ZNF35: variants seen among roughly 807,000 people sequenced by gnomAD.
The protein encoded by ZNF35 is zinc finger protein 35.
Under a neutral mutation model 45.9 loss-of-function variants are expected in ZNF35, and 31 were observed. The observed-to-expected ratio is 0.68, with a 90% CI of 0.51 to 0.91. ZNF35 has a LOEUF of 0.91. Ranked by LOEUF, ZNF35 falls within the 40% of genes least tolerant of loss-of-function variation. The pLI, the probability that ZNF35 is intolerant of heterozygous loss-of-function variation, is 0.00. For synonymous variants in ZNF35, 205 were observed against 220.2 expected, an observed-to-expected ratio of 0.93 and a Z score of 0.61; for missense variants, 515 against 625.4, an observed-to-expected ratio of 0.82 and a Z score of 1.88.
chr3:44,658,685 C>T lies in ZNF35; in HGVS notation c.338-16C>T, dbSNP rs750541012. 1 of 1,540,364 alleles carries T rather than the reference C, an allele frequency of 6.5e-7. No homozygotes were observed. The highest frequency in any genetic ancestry group is 1.4e-5 in the African/African-American group (1 of 72,026). On this transcript the variant is annotated splice_polypyrimidine_tract_variant and intron_variant, in intron 3 of 3. Coordinates refer to ENST00000396056, the MANE Select transcript of ZNF35 (RefSeq NM_003420.4). Reference sequence around the variant, plus strand: ...CAGAGAAAGCTAACATTTGTATTTTCTGTTTCTTGGTTCAGGTGCTGAAAC... The same window carrying T: ...CAGAGAAAGCTAACATTTGTATTTTTTGTTTCTTGGTTCAGGTGCTGAAAC...
At chr3:44,649,490 G>C (rs1703136399) in intron 1 of ZNF35, among the ~76,000 whole-genome samples, 1 of 152,122 alleles carries the variant, frequency 6.6e-6, no homozygotes, top group Non-Finnish European at 1.5e-5. Flanking sequence ...AAGGGGGTTA[G>C]AAAGAAAAAT....
At position 44,659,179 on chromosome 3, in the gene ZNF35, C is replaced by T; in HGVS notation, c.816C>T (p.His272=). The T allele has an allele frequency of 6.2e-7, 1 of 1,614,174 alleles. No individual in the cohort carries two copies. Among genetic ancestry groups the T allele is most frequent in the Non-Finnish European group, 8.5e-7 (1 of 1,180,036 alleles). The part of the protein sequence containing the change: ...SANLVVHQRI[H]TGQKPYVCSK... ...ACCTCGTTGTGCATCAGAGAATCCACACTGGACAGAAACCTTATGTTTGCT... is the reference window on the plus strand; with the variant it reads ...ACCTCGTTGTGCATCAGAGAATCCATACTGGACAGAAACCTTATGTTTGCT... The change falls in exon 4 of 4, where the codon CAC becomes CAT. Residue 272 remains histidine, a synonymous_variant. Coordinates refer to ENST00000396056, the MANE Select transcript of ZNF35 (RefSeq NM_003420.4). The surrounding 1 kb of genome is among the most constrained non-coding windows in gnomAD (Gnocchi z 4.3).
At chr3:44,655,415 T>TAAAA (rs35965367) in intron 3 of ZNF35, among the ~76,000 whole-genome samples, 1 of 145,844 alleles carries the variant, frequency 6.9e-6, no homozygotes. Flanking sequence ...CAGCTATCTT[T>TAAAA]AAAAAAAAAA....
intron 3 of ZNF35, among the ~76,000 whole-genome samples, chr3:44,653,511 G>A (rs1004773241): frequency 6.6e-6 from 1 of 152,166 alleles, no homozygotes; most frequent in African/African-American, 2.4e-5. Context: ...AGGTTGGTGA[G>A]CCTGCAAGAG....
At position 44,650,946 on chromosome 3, in the gene ZNF35, A is replaced by G; in HGVS notation, c.-122A>G. The G allele has an allele frequency of 1.1e-6, 1 of 913,582 alleles. No individual in the cohort carries two copies. The highest frequency in any genetic ancestry group is 1.9e-5 in the South Asian group (1 of 52,886). The allele number at this position is 913,582 out of a possible 1,614,324, so 56.6% of individuals were successfully genotyped here. ...AGTGTTTTCTGATTTCTCAGTAGGC[A>G]GTACTCATCTTGGCCCTGGGAAGAA... On this transcript the variant is annotated 5_prime_UTR_variant, in exon 2 of 4. Transcript: ENST00000396056.
At chr3:44,657,488 A>G in intron 3 of ZNF35, among the ~76,000 whole-genome samples, 1 of 152,222 alleles carries the variant, frequency 6.6e-6, no homozygotes, top group Admixed American at 6.5e-5. Flanking sequence ...TTTCAAGGTT[A>G]AGGAAAGTGA....
Position 44,659,663 on chromosome 3 carries a change from A to G in ZNF35, c.1300A>G (p.Ile434Val). 6.2e-7 allele frequency: 1 copy of G among 1,614,176 alleles called. No homozygotes were observed. The highest frequency in any genetic ancestry group is 8.5e-7 in the Non-Finnish European group (1 of 1,180,044). Residue 434 changes from isoleucine to valine, a missense_variant, in exon 4 of 4, where the codon ATT (isoleucine) becomes GTT (valine). By Grantham distance (29) the Ile-to-Val change is conservative (BLOSUM62 3). Coordinates refer to ENST00000396056, the MANE Select transcript of ZNF35 (RefSeq NM_003420.4). This position sits in a 1 kb window ranked among gnomAD's most constrained non-coding sequence, Gnocchi z 4.3. Reference protein sequence around the residue: ...GKAFSQLSCLIVHQRIHSGDL... With the variant: ...GKAFSQLSCLVVHQRIHSGDL... ...AGCCTTCAGTCAGCTCTCTTGCCTT[A>G]TTGTCCACCAGAGAATTCACAGTGG...
intron 1 of ZNF35, among the ~76,000 whole-genome samples, chr3:44,649,575 TAGC>T (rs1703139111): frequency 6.6e-6 from 1 of 152,166 alleles, no homozygotes; most frequent in Non-Finnish European, 1.5e-5. Flanking sequence ...CCTGCTGGCT[TAGC>T]TGTGATAAAG....
At chr3:44,653,623 T>C (rs1703244835) in intron 3 of ZNF35, among the ~76,000 whole-genome samples, 1 of 152,186 alleles carries the variant, frequency 6.6e-6, no homozygotes. Flanking sequence ...ATAGAGGATT[T>C]TGAGCAGCTG....
Position 44,654,855 on chromosome 3 carries a change from C to T in ZNF35, c.337+2154C>T, listed in dbSNP as rs115759397. 8.8e-3 allele frequency among the ~76,000 whole-genome samples: 1,343 copies of T among 152,128 alleles called. 22 individuals carry two copies. Among genetic ancestry groups the T allele is most frequent in the African/African-American group, 0.031 (1,285 of 41,494 alleles). ...GATTAAATTTTTTAAACATTTTGGC[C>T]GGGCGCAGTGGCTCAAGCCTGTAAT... is the stretch of plus-strand genomic sequence containing the variant. On this transcript the variant is annotated intron_variant, in intron 3 of 3. Transcript: ENST00000396056.
rs771930825 is a variant in ZNF35, at chr3:44,658,899, T to C, written c.536T>C (p.Val179Ala). 3 of 1,612,932 alleles carry C rather than the reference T, an allele frequency of 1.9e-6. No individual in the cohort carries two copies. Among genetic ancestry groups the C allele is most frequent in the East Asian group, 2.2e-5 (1 of 44,888 alleles). Residue 179 changes from valine (V) to alanine (A), a missense_variant, in exon 4 of 4, where the codon GTG (valine) becomes GCG (alanine). This residue lies in a region of ZNF35 where 275 missense variants were observed against 295.7 expected (regional missense o/e 0.93). Coordinates refer to ENST00000396056, the MANE Select transcript of ZNF35 (RefSeq NM_003420.4). Reference sequence around the variant, plus strand: ...AAGAAAGATTTCAGACAAGTGATAGTGAATGACTGTCACTTACCTGAAAGC... The same window carrying C: ...AAGAAAGATTTCAGACAAGTGATAGCGAATGACTGTCACTTACCTGAAAGC... Reference protein sequence around the residue: ...REKKDFRQVIVNDCHLPESFK... With the variant: ...REKKDFRQVIANDCHLPESFK...
chr3:44,650,915 G>C (rs1182939073), intron 1 of ZNF35, 26 bp from the exon 2 acceptor site: 2 of 760,312 alleles, frequency 2.6e-6, no homozygotes, highest in Non-Finnish European at 2.0e-6. Context: ...TCTCCTTGGT[G>C]CTAACAGTGT....
At chr3:44,652,785 A>G in intron 3 of ZNF35, 84 bp downstream of exon 3, 9 of 1,394,726 alleles carry the variant, frequency 6.5e-6, no homozygotes, top group Non-Finnish European at 8.6e-6. Flanking sequence ...CCAGTCTCCT[A>G]GGTTGACCAA....
At chr3:44,649,621 C>T (rs1238271564) in intron 1 of ZNF35, among the ~76,000 whole-genome samples, 1 of 151,992 alleles carries the variant, frequency 6.6e-6, no homozygotes, top group Non-Finnish European at 1.5e-5. Context: ...TGTGAATTGG[C>T]ATGGTGCTTT....
At chr3:44,651,792 C>T (rs886307755) in intron 2 of ZNF35, among the ~76,000 whole-genome samples, 1 of 150,374 alleles carries the variant, frequency 6.7e-6, no homozygotes, top group African/African-American at 2.5e-5. Flanking sequence ...GAATTCATGC[C>T]ACTGCACTCT....
At chr3:44,657,563 C>T (rs1325556225) in intron 3 of ZNF35, among the ~76,000 whole-genome samples, 1 of 152,034 alleles carries the variant, frequency 6.6e-6, no homozygotes, top group Non-Finnish European at 1.5e-5. Context: ...TTTTTGACAC[C>T]ATTAGGTTCT....
At chr3:44,646,797 A>T (rs1224554017), upstream of ZNF35, 1 of 378,258 alleles carries the variant, frequency 2.6e-6, no homozygotes, top group African/African-American at 2.1e-5. Flanking sequence ...AAATAGACTC[A>T]CATAAATGGC....
At chr3:44,657,229 T>C (rs1312220017) in intron 3 of ZNF35, among the ~76,000 whole-genome samples, 2 of 152,206 alleles carry the variant, frequency 1.3e-5, no homozygotes, top group African/African-American at 2.4e-5. Flanking sequence ...ATGGTCATCC[T>C]ATAGAATATT....
intron 1 of ZNF35, among the ~76,000 whole-genome samples, chr3:44,649,402 G>C (rs538892754): frequency 6.6e-6 from 1 of 152,296 alleles, no homozygotes; most frequent in South Asian, 2.1e-4. Flanking sequence ...GTTGACATGG[G>C]GAAAAGAGTA....
Sources: allele counts gnomAD v4.1 joint callset (sites outside exome capture counted in the v4.1 genomes callset), GRCh38; gene constraint gnomAD v4.1.1; regional missense constraint gnomAD v4.1.1; non-coding constraint Gnocchi (gnomAD v3.1); transcripts MANE v1.5; gene names NCBI Gene and HGNC (gene_info 2026-07-23, HGNC 2026-07-21).